KCNMB2: variants seen among roughly 807,000 people sequenced by gnomAD.
The protein encoded by KCNMB2 is calcium-activated potassium channel subunit beta-2.
A neutral mutation model predicts 24.5 loss-of-function variants in KCNMB2; 9 were observed. The ratio of observed to expected loss-of-function variants is 0.37; its 90% CI spans 0.22 to 0.64. The LOEUF (loss-of-function observed/expected upper bound fraction) is 0.64, where lower values mean the gene tolerates loss of function less well. Among genes scored for constraint, KCNMB2 ranks in the 30% least tolerant of loss-of-function variants. KCNMB2 has a pLI of 0.63. For missense variants in KCNMB2, 226 were observed against 284.3 expected (o/e 0.79, Z 1.47); for synonymous variants, 109 against 104.4 (o/e 1.04, Z -0.27).
intron 1 of KCNMB2, among the ~76,000 whole-genome samples, chr3:178,543,912 A>G (rs1208127893): frequency 6.6e-6 from 1 of 152,180 alleles, no homozygotes; most frequent in Non-Finnish European, 1.5e-5. Context: ...TACTCTGTGC[A>G]TAATTCTACC....
Position 178,649,282 on chromosome 3 carries a change from A to G in KCNMB2, c.-68+112571A>G, listed in dbSNP as rs747692148. ...TCTTGTTCAATAAATTCTTCTCCAC[A>G]TAAAAACTAGAGATACTCATAAACA... is the stretch of plus-strand genomic sequence containing the variant. On this transcript the variant is annotated intron_variant, in intron 1 of 4. Transcript: ENST00000452583. Among the ~76,000 whole-genome samples, 3 of 152,172 alleles carry G rather than the reference A, an allele frequency of 2.0e-5. No homozygotes were observed. The East Asian group carries it at 5.8e-4, about 29-fold the overall frequency.
At chr3:178,646,355 C>T (rs1719923510) in intron 1 of KCNMB2, among the ~76,000 whole-genome samples, 1 of 152,186 alleles carries the variant, frequency 6.6e-6, no homozygotes, top group South Asian at 2.1e-4. Flanking sequence ...ATCATCAGCA[C>T]ATTAATTTGT....
chr3:178,667,992 C>T (rs553272182), intron 1 of KCNMB2, among the ~76,000 whole-genome samples: 1 of 152,246 alleles, frequency 6.6e-6, no homozygotes, highest in South Asian at 2.1e-4. Flanking sequence ...GAGTACGTAT[C>T]TCTTTTTACA....
At chr3:178,746,771 T>C (rs373916103) in intron 1 of KCNMB2, among the ~76,000 whole-genome samples, 1 of 152,188 alleles carries the variant, frequency 6.6e-6, no homozygotes, top group Non-Finnish European at 1.5e-5. Flanking sequence ...AGGGGCAAAA[T>C]GCCACCAGTC....
At chr3:178,807,540 G>C (rs564301474) in intron 2 of KCNMB2, 75 bp downstream of exon 2, 43 of 1,267,672 alleles carry the variant, frequency 3.4e-5, no homozygotes, top group Non-Finnish European at 4.5e-5. Flanking sequence ...TGACAGGAAA[G>C]TAGTAGGCAA....
chr3:178,596,889 C>T (rs928861377), intron 1 of KCNMB2, among the ~76,000 whole-genome samples: 1 of 152,122 alleles, frequency 6.6e-6, no homozygotes, highest in Non-Finnish European at 1.5e-5. Flanking sequence ...AAAAGATATA[C>T]TTTATTGGAG....
At chr3:178,783,989 T>A (rs77733773) in intron 1 of KCNMB2, among the ~76,000 whole-genome samples, 1 of 152,028 alleles carries the variant, frequency 6.6e-6, no homozygotes, top group African/African-American at 2.4e-5. Flanking sequence ...TTTATTGAGA[T>A]TTTTTAGCAT....
intron 1 of KCNMB2, among the ~76,000 whole-genome samples, chr3:178,579,266 G>A (rs1450302907): frequency 2.0e-5 from 3 of 152,116 alleles, no homozygotes; most frequent in Non-Finnish European, 4.4e-5. Flanking sequence ...GCTCCTAAAT[G>A]ACTATTAGGT....
intron 1 of KCNMB2, among the ~76,000 whole-genome samples, chr3:178,619,903 C>T (rs1192434955): frequency 6.6e-6 from 1 of 152,178 alleles, no homozygotes; most frequent in Non-Finnish European, 1.5e-5. Context: ...TACACTCCAT[C>T]TTTCATCTGA....
intron 1 of KCNMB2, among the ~76,000 whole-genome samples, chr3:178,793,202 T>C (rs1231865307): frequency 6.6e-6 from 1 of 152,212 alleles, no homozygotes; most frequent in Non-Finnish European, 1.5e-5. Flanking sequence ...TATATGGCCC[T>C]ACTCTGGGAC....
chr3:178,831,561 G>A (rs7643872), intron 4 of KCNMB2, among the ~76,000 whole-genome samples: 98,272 of 152,064 alleles, frequency 0.65, 33,646 homozygotes, highest in African/African-American at 0.87. Context: ...ATAATACTAC[G>A]CAGTCATGAA....
At chr3:178,705,430 G>C (rs1447541806) in intron 1 of KCNMB2, among the ~76,000 whole-genome samples, 1 of 152,128 alleles carries the variant, frequency 6.6e-6, no homozygotes, top group Non-Finnish European at 1.5e-5. Flanking sequence ...AGCTGGCCTA[G>C]CCAAGAACTT....
intron 1 of KCNMB2, among the ~76,000 whole-genome samples, chr3:178,768,036 G>A (rs1190384850): frequency 6.6e-6 from 1 of 151,240 alleles, no homozygotes; most frequent in Non-Finnish European, 1.5e-5. Context: ...TTTTTTTCCA[G>A]GAAAGATATC....
Position 178,782,378 on chromosome 3 carries a change from A to G in KCNMB2, c.-67-24965A>G, listed in dbSNP as rs1712892767. On this transcript the variant is annotated intron_variant, in intron 1 of 4. Transcript: ENST00000452583. ...GAGGAATCGCCACACTGACTTCCAC[A>G]ATGGTTGAACTAGTGTACAGTCCCA... Among the ~76,000 whole-genome samples the G allele has an allele frequency of 4.6e-5, 7 of 151,200 alleles. No individual in the cohort carries two copies. The South Asian group carries it at 1.5e-3, about 32-fold the overall frequency.
At chr3:178,662,497 C>G (rs1015407274) in intron 1 of KCNMB2, among the ~76,000 whole-genome samples, 1 of 152,150 alleles carries the variant, frequency 6.6e-6, no homozygotes, top group Admixed American at 6.5e-5. Context: ...ACAAAATTCA[C>G]ACCATTATGG....
intron 1 of KCNMB2, among the ~76,000 whole-genome samples, chr3:178,621,747 TA>T (rs1396658599): frequency 6.6e-6 from 1 of 151,362 alleles, no homozygotes; most frequent in Non-Finnish European, 1.5e-5. Context: ...AAATAAAAAA[TA>T]AAAAAACACA....
At chr3:178,566,163 T>G (rs1223779446) in intron 1 of KCNMB2, among the ~76,000 whole-genome samples, 1 of 152,160 alleles carries the variant, frequency 6.6e-6, no homozygotes, top group African/African-American at 2.4e-5. Flanking sequence ...ATGTTTCAGA[T>G]GAAAATGCTC....
chr3:178,726,196 A>G (rs909853294), intron 1 of KCNMB2, among the ~76,000 whole-genome samples: 9 of 152,078 alleles, frequency 5.9e-5, no homozygotes, highest in Admixed American at 5.2e-4. Context: ...TAAAACTCTC[A>G]CCACCAAATA....
chr3:178,786,703 G>A (rs143034265), intron 1 of KCNMB2, among the ~76,000 whole-genome samples: 51 of 151,874 alleles, frequency 3.4e-4, no homozygotes, highest in African/African-American at 1.1e-3. Context: ...AAACCTGCAC[G>A]TTGTGCACAT....
Sources: gnomAD v4.1 joint callset for allele counts (sites outside exome capture counted in the v4.1 genomes callset) on GRCh38, gnomAD v4.1.1 for gene constraint, MANE v1.5 for transcripts, NCBI Gene and HGNC (gene_info 2026-07-23, HGNC 2026-07-21) for gene names.